PCNX2: variants seen among roughly 807,000 people sequenced by gnomAD.
PCNX2 encodes the protein pecanex 2.
Under a neutral mutation model 223.8 loss-of-function variants are expected in PCNX2, and 168 were observed. The observed-to-expected ratio is 0.75, with a 90% CI of 0.66 to 0.85. The LOEUF is 0.85. Among genes scored for constraint, PCNX2 ranks in the 40% least tolerant of loss-of-function variants. PCNX2 has a pLI of 0.00. For synonymous variants in PCNX2, 1,006 were observed against 1,052.6 expected (o/e 0.96, Z 0.86); for missense variants, 2,507 against 2,675.5 (o/e 0.94, Z 1.39).
intron 25 of PCNX2, among the ~76,000 whole-genome samples, chr1:233,035,606 C>T (rs2102850221): frequency 6.6e-6 from 1 of 152,294 alleles, no homozygotes; most frequent in East Asian, 1.9e-4. Context: ...ACAAAGTGGA[C>T]ATTCTTAGAC....
intron 17 of PCNX2, among the ~76,000 whole-genome samples, chr1:233,171,840 T>C (rs1370110328): frequency 6.6e-6 from 1 of 152,166 alleles, no homozygotes; most frequent in Non-Finnish European, 1.5e-5. Flanking sequence ...TCTCACTCTA[T>C]CCTTCAAGTC....
At chr1:233,092,519 G>A (rs551235449) in intron 22 of PCNX2, among the ~76,000 whole-genome samples, 17 of 152,166 alleles carry the variant, frequency 1.1e-4, no homozygotes, top group South Asian at 2.1e-4. Context: ...AGGAAATGAC[G>A]TTTAACAGGT....
At chr1:233,112,832 A>G (rs1490876179) in intron 21 of PCNX2, 1 of 1,269,576 alleles carries the variant, frequency 7.9e-7, no homozygotes, top group African/African-American at 1.5e-5. Context: ...GGGGAGAAAA[A>G]GCTGACTCTT....
In PCNX2 at chr1:233,126,485, A is replaced by G. The variant is rs923880701; in HGVS notation, c.3837+8528T>C. ...AGGCAGGTACAGAATGAACCTATTG[A>G]TATTTTAAATTTGTGTGGTGTGTGT... is the stretch of plus-strand genomic sequence containing the variant. On this transcript the variant is annotated intron_variant, in intron 21 of 33. Transcript: ENST00000258229. The surrounding 1 kb of genome is among the most constrained non-coding windows in gnomAD (Gnocchi z 4.8). Among the ~76,000 whole-genome samples, 1 of 151,244 alleles carries G rather than the reference A, an allele frequency of 6.6e-6. No individual in the cohort carries two copies. The highest frequency in any genetic ancestry group is 2.4e-5 in the African/African-American group (1 of 41,198).
rs561335988 is a variant in PCNX2 at position 233,184,879 on chromosome 1, C to G, written c.3067-5704G>C. The stretch of plus-strand genomic sequence containing the variant: ...TACAAGGTGTTAAGGAGTCCATATT[C>G]CAGGTGCTAATTTTCATGTTTACTT... On this transcript the variant is annotated intron_variant, in intron 15 of 33. Coordinates refer to ENST00000258229, the MANE Select transcript of PCNX2 (RefSeq NM_014801.4). Among the ~76,000 whole-genome samples, 5 of 152,070 alleles carry G rather than the reference C, an allele frequency of 3.3e-5. 1 individual carries two copies. The highest frequency in any genetic ancestry group is 3.3e-4 in the Admixed American group (5 of 15,260).
intron 1 of PCNX2, among the ~76,000 whole-genome samples, chr1:233,286,512 A>G (rs1400735220): frequency 1.3e-5 from 2 of 152,142 alleles, no homozygotes; most frequent in Non-Finnish European, 2.9e-5. Flanking sequence ...GTTGACATGG[A>G]CTATGTACGC....
intron 25 of PCNX2, among the ~76,000 whole-genome samples, chr1:233,044,327 G>A (rs1671751003): frequency 6.6e-6 from 1 of 152,128 alleles, no homozygotes; most frequent in African/African-American, 2.4e-5. Flanking sequence ...CAGATGAGTA[G>A]GTTGCAAAAA....
At chr1:233,019,033 G>T in intron 26 of PCNX2, 2 of 985,382 alleles carry the variant, frequency 2.0e-6, no homozygotes, top group Non-Finnish European at 2.4e-6. Context: ...CTCTGTCTGG[G>T]AAATAAAACC....
At chr1:233,115,144 T>C (rs1235117027) in intron 21 of PCNX2, among the ~76,000 whole-genome samples, 1 of 151,714 alleles carries the variant, frequency 6.6e-6, no homozygotes, top group South Asian at 2.1e-4. Flanking sequence ...GGGAAATAGA[T>C]TGAGACTACT....
At chr1:233,324,403 C>A in the PCNX2 span, among the ~76,000 whole-genome samples, 4,611 of 152,132 alleles carry the variant, frequency 0.03, 242 homozygotes, top group African/African-American at 0.11. Context: ...AGTCCAGACC[C>A]GGCTTTAAAG....
chr1:233,117,996 C>T (rs1276273147), intron 21 of PCNX2, among the ~76,000 whole-genome samples: 5 of 142,618 alleles, frequency 3.5e-5, no homozygotes, highest in Admixed American at 2.8e-4. Flanking sequence ...GGCGACAGAG[C>T]GAGACTCCGT....
chr1:233,172,355 G>A (rs924307146), intron 17 of PCNX2: 4 of 985,298 alleles, frequency 4.1e-6, no homozygotes, highest in Non-Finnish European at 3.6e-6. Flanking sequence ...TGGGTACCAC[G>A]TTAAATGTCT....
chr1:233,317,037 T>G, the PCNX2 span, among the ~76,000 whole-genome samples: 1 of 152,358 alleles, frequency 6.6e-6, no homozygotes, highest in African/African-American at 2.4e-5. Flanking sequence ...CTGTATATTC[T>G]GTCCAATCTG....
intron 25 of PCNX2, among the ~76,000 whole-genome samples, chr1:233,053,164 C>T (rs1032628964): frequency 2.0e-5 from 3 of 152,034 alleles, no homozygotes; most frequent in African/African-American, 7.2e-5. Flanking sequence ...CATATAGTCC[C>T]TGACACTGGC....
chr1:232,985,987 G>A (rs1251546815), intron 33 of PCNX2, 105 bp downstream of exon 33: 16 of 1,249,872 alleles, frequency 1.3e-5, no homozygotes, highest in Admixed American at 4.0e-5. Context: ...AGGGGATGGG[G>A]TTCTGCAGGC....
intron 13 of PCNX2, among the ~76,000 whole-genome samples, chr1:233,207,293 C>T (rs529236571): frequency 6.6e-6 from 1 of 152,270 alleles, no homozygotes; most frequent in Non-Finnish European, 1.5e-5. Flanking sequence ...AGGGGGCTGT[C>T]ACAGAAGTTG....
intron 1 of PCNX2, among the ~76,000 whole-genome samples, chr1:233,274,604 A>C (rs1045902107): frequency 6.6e-6 from 1 of 152,210 alleles, no homozygotes; most frequent in Admixed American, 6.5e-5. Context: ...CAAGCAAATC[A>C]GGTGTGCCTA....
At chr1:233,116,108 T>C (rs540500429) in intron 21 of PCNX2, among the ~76,000 whole-genome samples, 4 of 150,170 alleles carry the variant, frequency 2.7e-5, no homozygotes, top group Non-Finnish European at 6.0e-5. Context: ...TAACAAACAA[T>C]AGAAATGCAA....
At chr1:233,290,652 C>T in intron 1 of PCNX2, 1 of 758,924 alleles carries the variant, frequency 1.3e-6, no homozygotes, top group South Asian at 6.0e-5. Flanking sequence ...GTGTTGGGTG[C>T]TTACTATTTG....
Sources: allele counts gnomAD v4.1 joint callset (sites outside exome capture counted in the v4.1 genomes callset), GRCh38; gene constraint gnomAD v4.1.1; non-coding constraint Gnocchi (gnomAD v3.1); transcripts MANE v1.5; gene names NCBI Gene and HGNC (gene_info 2026-07-23, HGNC 2026-07-21).